The following FBXO31 variants were observed in gnomAD, a reference collection of about 807,000 sequenced individuals.
FBXO31 encodes the protein F-box protein 31.
In FBXO31, 24 loss-of-function variants were observed where a neutral mutation model predicts 54.4. The ratio of observed to expected loss-of-function variants is 0.44; its 90% CI spans 0.32 to 0.62. The LOEUF (loss-of-function observed/expected upper bound fraction) is 0.62. Among genes scored for constraint, FBXO31 ranks in the 20% least tolerant of loss-of-function variants. The pLI, the probability that FBXO31 is intolerant of heterozygous loss-of-function variation, is 0.05. For synonymous variants in FBXO31, 388 were observed against 335.6 expected (o/e 1.16, Z -1.71); for missense variants, 665 against 787.1 (o/e 0.84, Z 1.86).
chr16:87,352,973 C>T (rs1365024437), intron 2 of FBXO31, among the ~76,000 whole-genome samples: 9 of 152,186 alleles, frequency 5.9e-5, no homozygotes, highest in African/African-American at 2.2e-4. Context: ...TGCTAGGAGA[C>T]CGGCGGGGAT....
rs1005117989 is a variant in FBXO31 at position 87,331,075 on chromosome 16, A to G, written c.*213T>C. On this transcript the variant is annotated 3_prime_UTR_variant, in exon 9 of 9. Coordinates refer to ENST00000311635, the MANE Select transcript of FBXO31 (RefSeq NM_024735.5). ...TCGTTCTCTCTGTTTTTGGTAAGAC[A>G]TGCTCAGCTTCTTCCATCATGGCAC... is the stretch of plus-strand genomic sequence containing the variant. The G allele has an allele frequency of 6.2e-5, 35 of 560,492 alleles. No homozygotes were observed. Among genetic ancestry groups the G allele is most frequent in the Admixed American group, 3.1e-4 (10 of 32,402 alleles). The allele number at this position is 560,492 out of a possible 1,614,324, so 34.7% of individuals were successfully genotyped here. A position where few individuals can be genotyped will look rare whatever the true frequency, so the allele number is the denominator to read the frequency against.
intron 4 of FBXO31, 109 bp downstream of exon 4, chr16:87,343,489 G>C (rs991293948): frequency 7.4e-7 from 1 of 1,355,958 alleles, no homozygotes; most frequent in South Asian, 1.4e-5. Flanking sequence ...CCCACCCGCC[G>C]ATCTGCTACA....
intron 1 of FBXO31, among the ~76,000 whole-genome samples, chr16:87,377,476 C>T (rs979220358): frequency 6.6e-6 from 1 of 152,038 alleles, no homozygotes; most frequent in Non-Finnish European, 1.5e-5. Flanking sequence ...TTGCCAAAGT[C>T]ACTATAAATG....
chr16:87,371,363 A>G (rs895169102), intron 1 of FBXO31, among the ~76,000 whole-genome samples: 3 of 152,190 alleles, frequency 2.0e-5, no homozygotes, highest in Non-Finnish European at 4.4e-5. Context: ...CCCTCTCGCT[A>G]AGATGCAGTG....
intron 8 of FBXO31, among the ~76,000 whole-genome samples, chr16:87,332,387 C>T (rs114799151): frequency 6.6e-6 from 1 of 152,244 alleles, no homozygotes; most frequent in Non-Finnish European, 1.5e-5. Context: ...GGAGGCTGGA[C>T]AGGTCTTCCT....
chr16:87,375,538 G>A (rs145368664), intron 1 of FBXO31, among the ~76,000 whole-genome samples: 1 of 152,254 alleles, frequency 6.6e-6, no homozygotes, highest in East Asian at 1.9e-4. Context: ...AAAATGGGCT[G>A]GCATTTCACA....
At position 87,366,451 on chromosome 16, in the gene FBXO31, A is replaced by G. The variant is rs374207854; in HGVS notation, c.341-6085T>C. Among the ~76,000 whole-genome samples, 4 of 152,326 alleles carry G rather than the reference A, an allele frequency of 2.6e-5. No individual in the cohort carries two copies. In the South Asian group the frequency reaches 8.3e-4, roughly 32 times the overall value. The stretch of plus-strand genomic sequence containing the variant: ...GGCAAGGGCCCAGACAGAGGTGAAG[A>G]GAGCGGGCAAGATCAGAGCAGAGCA... On this transcript the variant is annotated intron_variant, in intron 1 of 8. Coordinates refer to ENST00000311635, the MANE Select transcript of FBXO31 (RefSeq NM_024735.5).
intron 2 of FBXO31, 21 bp downstream of exon 2, chr16:87,360,274 G>A: frequency 1.2e-6 from 2 of 1,607,736 alleles, no homozygotes; most frequent in Non-Finnish European, 1.7e-6. Context: ...ATCATGGATG[G>A]TAACAAATAG....
Position 87,331,032 on chromosome 16 carries a change from C to T in FBXO31, c.*256G>A. The T allele has an allele frequency of 4.3e-6, 2 of 462,204 alleles. No individual in the cohort carries two copies. Among genetic ancestry groups the T allele is most frequent in the Middle Eastern group, 6.0e-4 (1 of 1,674 alleles). The allele number at this position is 462,204 out of a possible 1,614,324, so 28.6% of individuals were successfully genotyped here. ...CACGCGGTCCCACGGCTGTCCCCTACATCTGCTGTATTCAGGCTCGTTCTC... is the reference window on the plus strand; with the variant it reads ...CACGCGGTCCCACGGCTGTCCCCTATATCTGCTGTATTCAGGCTCGTTCTC... On this transcript the variant is annotated 3_prime_UTR_variant, in exon 9 of 9. Transcript: ENST00000311635.
intron 5 of FBXO31, among the ~76,000 whole-genome samples, chr16:87,339,630 G>A (rs80350207): frequency 0.011 from 1,730 of 152,320 alleles, 24 homozygotes; most frequent in African/African-American, 0.039. Context: ...GCTCAGAAGC[G>A]GGACGAGCCG....
At chr16:87,351,231 G>A (rs1806472083) in intron 2 of FBXO31, among the ~76,000 whole-genome samples, 1 of 152,204 alleles carries the variant, frequency 6.6e-6, no homozygotes. Context: ...ATGAATCCAT[G>A]GATTTCAATA....
At chr16:87,333,503 C>A (rs576056004) in intron 8 of FBXO31, among the ~76,000 whole-genome samples, 1 of 152,356 alleles carries the variant, frequency 6.6e-6, no homozygotes, top group East Asian at 1.9e-4. Flanking sequence ...CTTGTTCATT[C>A]TCTACTTTCA....
upstream of FBXO31, among the ~76,000 whole-genome samples, chr16:87,385,233 C>CAGATCATG (rs1212251086): frequency 6.6e-6 from 1 of 152,080 alleles, no homozygotes; most frequent in Non-Finnish European, 1.5e-5. Flanking sequence ...CCGAGGCGGG[C>CAGATCATG]AGATCATGAG....
At position 87,338,895 on chromosome 16, in the gene FBXO31, A is replaced by G. The variant is rs1905110093; in HGVS notation, c.733-2631T>C. ...TGGGAGGGACCCCAGGAGGTAACTGAATCATGGGGGTGGGGTCTTTTCCAT... is the reference window on the plus strand; with the variant it reads ...TGGGAGGGACCCCAGGAGGTAACTGGATCATGGGGGTGGGGTCTTTTCCAT... On this transcript the variant is annotated intron_variant, in intron 5 of 8. Coordinates refer to ENST00000311635, the MANE Select transcript of FBXO31 (RefSeq NM_024735.5). The surrounding 1 kb of genome is among the most constrained non-coding windows in gnomAD (Gnocchi z 4.3). Among the ~76,000 whole-genome samples the G allele has an allele frequency of 6.6e-6, 1 of 152,074 alleles. No individual in the cohort carries two copies. The highest frequency in any genetic ancestry group is 2.4e-5 in the African/African-American group (1 of 41,376).
rs547951055 is a variant in FBXO31 at position 87,336,050 on chromosome 16, C to T, written c.842+105G>A. 8 of 872,138 alleles carry T rather than the reference C, an allele frequency of 9.2e-6. No homozygotes were observed. The Admixed American group carries it at 1.7e-4, about 18-fold the overall frequency. 54.0% of individuals were successfully genotyped at this position (872,138 alleles called of 1,614,324 possible). A position where few individuals can be genotyped will look rare whatever the true frequency, so the allele number is the denominator to read the frequency against. ...CAGGAGAGAGGGCTGAACCCCAGCA[C>T]CCACTGAGACAAAGGACTATGCCCC... On this transcript the variant is annotated intron_variant, in intron 6 of 8. Transcript: ENST00000311635. The surrounding 1 kb of genome is among the most constrained non-coding windows in gnomAD (Gnocchi z 6.5).
chr16:87,383,559 G>C lies in FBXO31; in HGVS notation c.186C>G (p.Pro62=), dbSNP rs1362433959. Residue 62 remains proline (P), a synonymous_variant, in exon 1 of 9, where the codon CCC becomes CCG. Transcript: ENST00000311635. The surrounding 1 kb of genome is among the most constrained non-coding windows in gnomAD (Gnocchi z 4.9). ...GGLCAGPSPP[P]PRCSLLELPP... is the part of the protein sequence containing the mutation. ...GCAGCTCCAGCAGCGAGCAGCGCGG[G>C]GGCGGCGGCGAGGGGCCCGCGCACA... The C allele has an allele frequency of 3.3e-6, 5 of 1,537,804 alleles. No homozygotes were observed. Among genetic ancestry groups the C allele is most frequent in the East Asian group, 2.6e-5 (1 of 38,660 alleles).
intron 1 of FBXO31, among the ~76,000 whole-genome samples, chr16:87,377,532 A>T (rs1233578755): frequency 6.6e-6 from 1 of 152,172 alleles, no homozygotes; most frequent in Admixed American, 6.6e-5. Context: ...ATGTTTTTCA[A>T]TATATTAAAC....
rs1031046050 is a variant in FBXO31, at chr16:87,329,161, C to T, written c.*2127G>A. 1 of 152,520 alleles carries T rather than the reference C, an allele frequency of 6.6e-6. No individual in the cohort carries two copies. Among genetic ancestry groups the T allele is most frequent in the Non-Finnish European group, 1.5e-5 (1 of 68,292 alleles). The allele number at this position is 152,520 out of a possible 1,614,324, so 9.4% of individuals were successfully genotyped here. A position where few individuals can be genotyped will look rare whatever the true frequency, so the allele number is the denominator to read the frequency against. ...TGGCTGTGCGGCCAAAAAGGCCTCCCTTTCCTGGCTGTGTGGCTCTGGCCC... is the reference window on the plus strand; with the variant it reads ...TGGCTGTGCGGCCAAAAAGGCCTCCTTTTCCTGGCTGTGTGGCTCTGGCCC... On this transcript the variant is annotated 3_prime_UTR_variant, in exon 9 of 9. Transcript: ENST00000311635.
intron 1 of FBXO31, among the ~76,000 whole-genome samples, chr16:87,360,741 G>A (rs894213804): frequency 6.6e-6 from 1 of 152,222 alleles, no homozygotes; most frequent in African/African-American, 2.4e-5. Context: ...TTCACCACTG[G>A]TGTTAGGGTT....
Sources: allele counts gnomAD v4.1 joint callset (sites outside exome capture counted in the v4.1 genomes callset), GRCh38; gene constraint gnomAD v4.1.1; non-coding constraint Gnocchi (gnomAD v3.1); transcripts MANE v1.5; gene names NCBI Gene and HGNC (gene_info 2026-07-23, HGNC 2026-07-21).